DLGAP3: variants seen among roughly 807,000 people sequenced by gnomAD.
DLGAP3 encodes DLG associated protein 3.
In DLGAP3, 17 loss-of-function variants were observed where a neutral mutation model predicts 81.2. The ratio of observed to expected loss-of-function variants is 0.21; its 90% CI spans 0.14 to 0.31. The LOEUF (loss-of-function observed/expected upper bound fraction) is 0.31, where lower values mean the gene tolerates loss of function less well. Among genes scored for constraint, DLGAP3 ranks in the 10% least tolerant of loss-of-function variants. The pLI, the probability that DLGAP3 is intolerant of heterozygous loss-of-function variation, is 1.00. For synonymous variants in DLGAP3, 577 were observed against 587.4 expected (o/e 0.98, Z 0.26); for missense variants, 1,124 against 1,388.0 (o/e 0.81, Z 3.02).
intron 1 of DLGAP3, among the ~76,000 whole-genome samples, chr1:34,917,502 C>T (rs759407459): frequency 4.6e-5 from 7 of 151,992 alleles, no homozygotes; most frequent in Non-Finnish European, 7.4e-5. Context: ...GATGTACCAC[C>T]GTGCCTGGCT....
chr1:34,904,973 G>A lies in DLGAP3; in HGVS notation c.411C>T (p.His137=), dbSNP rs1639521643. The A allele has an allele frequency of 6.2e-7, 1 of 1,613,294 alleles. No homozygotes were observed. Among genetic ancestry groups the A allele is most frequent in the Non-Finnish European group, 8.5e-7 (1 of 1,179,698 alleles). The change falls in exon 3 of 12, where the codon CAC becomes CAT. Residue 137 remains histidine (H), a synonymous_variant. Transcript: ENST00000373347. This position sits in a 1 kb window ranked among gnomAD's most constrained non-coding sequence, Gnocchi z 8.1. ...CTGGCCCTCGCTGGTATGGTAGTGT[G>A]TGGAAGCCATCTTGTTGAACTGGCA... is the stretch of plus-strand genomic sequence containing the variant. The part of the protein sequence containing the change: ...KQLPVQQDGF[H]TLPYQRGPAG...
intron 1 of DLGAP3, among the ~76,000 whole-genome samples, chr1:34,916,577 G>T (rs1357059385): frequency 6.6e-6 from 1 of 152,232 alleles, no homozygotes; most frequent in Non-Finnish European, 1.5e-5. Flanking sequence ...ATAGATGGTG[G>T]AAGAAGGATT....
At position 34,895,027 on chromosome 1, in the gene DLGAP3, C is replaced by T. The variant is rs1639362547; in HGVS notation, c.1386+4642G>A. 1.3e-5 allele frequency among the ~76,000 whole-genome samples: 2 copies of T among 152,064 alleles called. No individual in the cohort carries two copies. On this transcript the variant is annotated intron_variant, in intron 5 of 11. Transcript: ENST00000373347. The surrounding 1 kb of genome is among the most constrained non-coding windows in gnomAD (Gnocchi z 4.5). Reference sequence around the variant, plus strand: ...TCATAAGTCATAACATTACTTTATACCCCATAAATATATACACCCACAATT... The same window carrying T: ...TCATAAGTCATAACATTACTTTATATCCCATAAATATATACACCCACAATT...
chr1:34,882,198 C>T (rs1189269789), intron 8 of DLGAP3, among the ~76,000 whole-genome samples: 1 of 152,140 alleles, frequency 6.6e-6, no homozygotes, highest in Admixed American at 6.5e-5. Flanking sequence ...CAGTAGAGGC[C>T]GGGTGTGGTA....
intron 5 of DLGAP3, among the ~76,000 whole-genome samples, chr1:34,890,236 G>A (rs12119720): frequency 6.6e-6 from 1 of 152,172 alleles, no homozygotes; most frequent in African/African-American, 2.4e-5. Flanking sequence ...GCATAAAATA[G>A]TTCCAAACCA....
intron 2 of DLGAP3, among the ~76,000 whole-genome samples, chr1:34,906,567 T>C (rs985569351): frequency 1.3e-5 from 2 of 152,096 alleles, no homozygotes; most frequent in South Asian, 4.1e-4. Flanking sequence ...GGGTTCCAAA[T>C]ATTTTCCCTA....
chr1:34,922,545 T>C (rs1269209684), intron 1 of DLGAP3, among the ~76,000 whole-genome samples: 1 of 152,006 alleles, frequency 6.6e-6, no homozygotes, highest in African/African-American at 2.4e-5. Context: ...CACACAGACA[T>C]GCACACATTG....
At chr1:34,911,038 C>T (rs1375824692) in intron 1 of DLGAP3, among the ~76,000 whole-genome samples, 1 of 148,088 alleles carries the variant, frequency 6.8e-6, no homozygotes, top group Non-Finnish European at 1.5e-5. Context: ...CCCCCACCAC[C>T]TTCCAGTGTA....
At chr1:34,890,877 G>A (rs897185971) in intron 5 of DLGAP3, among the ~76,000 whole-genome samples, 1 of 152,208 alleles carries the variant, frequency 6.6e-6, no homozygotes, top group African/African-American at 2.4e-5. Flanking sequence ...TACTACATTT[G>A]GGGATAACTT....
intron 2 of DLGAP3, 30 bp downstream of exon 2, chr1:34,907,325 C>T (rs749292808): frequency 6.6e-6 from 1 of 152,562 alleles, no homozygotes; most frequent in East Asian, 1.9e-4. Context: ...TGAGTCTAAT[C>T]CCCATCTCCC....
At position 34,865,565 on chromosome 1, in the gene DLGAP3, T is replaced by TC. The variant is rs1638858271; in HGVS notation, c.*517dup. 1.1e-5 allele frequency: 2 copies of TC among 189,120 alleles called. No individual in the cohort carries two copies. The highest frequency in any genetic ancestry group is 1.5e-4 in the South Asian group (2 of 12,952). The allele number at this position is 189,120 out of a possible 1,614,324, so 11.7% of individuals were successfully genotyped here. A position where few individuals can be genotyped will look rare whatever the true frequency, so the allele number is the denominator to read the frequency against. On this transcript the variant is annotated 3_prime_UTR_variant, in exon 12 of 12. Coordinates refer to ENST00000373347, the MANE Select transcript of DLGAP3 (RefSeq NM_001080418.3). ...AAGGGGAGAGGCCCAGGCGCCCTGG[T>TC]CCTGGGTTGGTCCAGCCACTGTGGT...
chr1:34,928,923 CCACT>C (rs935987293), intron 1 of DLGAP3, among the ~76,000 whole-genome samples: 1 of 151,886 alleles, frequency 6.6e-6, no homozygotes, highest in Non-Finnish European at 1.5e-5. Flanking sequence ...CTGCATACAC[CCACT>C]AACATGCACA....
chr1:34,876,921 C>A (rs1329716488), intron 8 of DLGAP3, among the ~76,000 whole-genome samples: 1 of 152,184 alleles, frequency 6.6e-6, no homozygotes, highest in East Asian at 1.9e-4. Context: ...CTTACCCAGA[C>A]CACTGATCAA....
rs1317465073 is a variant in DLGAP3, at chr1:34,900,269, G to A, written c.1112C>T (p.Pro371Leu). The A allele has an allele frequency of 1.1e-5, 17 of 1,613,626 alleles. No homozygotes were observed. Among genetic ancestry groups the A allele is most frequent in the Middle Eastern group, 1.6e-4 (1 of 6,084 alleles). Residue 371 changes from proline (P) to leucine (L), a missense_variant, in exon 4 of 12, where the codon CCG becomes CTG. By Grantham distance (98) the Pro-to-Leu change is moderately conservative. Transcript: ENST00000373347. This position sits in a 1 kb window ranked among gnomAD's most constrained non-coding sequence, Gnocchi z 5.6. Reference protein sequence around the residue: ...KARTYHYLQVPQDDWGGYPTG... With the variant: ...KARTYHYLQVLQDDWGGYPTG... ...GGGGTAACCCCCCCAGTCATCTTGCGGCACCTGCAGGAACAGGGGTCTCTG... is the reference window on the plus strand; with the variant it reads ...GGGGTAACCCCCCCAGTCATCTTGCAGCACCTGCAGGAACAGGGGTCTCTG...
At chr1:34,915,419 C>T (rs953350871) in intron 1 of DLGAP3, among the ~76,000 whole-genome samples, 3 of 152,168 alleles carry the variant, frequency 2.0e-5, no homozygotes, top group Non-Finnish European at 4.4e-5. Context: ...GAGCCCAAGC[C>T]CATGGCAGGG....
chr1:34,893,881 T>C (rs184577399), intron 5 of DLGAP3, among the ~76,000 whole-genome samples: 6 of 152,168 alleles, frequency 3.9e-5, no homozygotes, highest in African/African-American at 9.6e-5. Flanking sequence ...TCCAACCACA[T>C]CAATAACCAC....
Position 34,929,318 on chromosome 1 carries a change from C to G in DLGAP3, c.-135+133G>C, listed in dbSNP as rs1005163709. On this transcript the variant is annotated intron_variant, in intron 1 of 11. Coordinates refer to ENST00000373347, the MANE Select transcript of DLGAP3 (RefSeq NM_001080418.3). This position sits in a 1 kb window ranked among gnomAD's most constrained non-coding sequence, Gnocchi z 6.5. ...GCTGAGGAGGCCCAGCCCCTCCCCC[C>G]TCCCGGGGCCGGGAGCCGAGCGCCG... The G allele has an allele frequency of 9.3e-5, 14 of 149,946 alleles. No individual in the cohort carries two copies. Among genetic ancestry groups the G allele is most frequent in the Admixed American group, 7.3e-4 (11 of 15,072 alleles). The allele number at this position is 149,946 out of a possible 1,614,324, so 9.3% of individuals were successfully genotyped here.
chr1:34,918,441 T>C (rs1249850918), intron 1 of DLGAP3, among the ~76,000 whole-genome samples: 2 of 152,176 alleles, frequency 1.3e-5, no homozygotes, highest in East Asian at 3.9e-4. Flanking sequence ...GAGAACAGAC[T>C]CAGCCTGGTG....
chr1:34,871,755 CCT>C (rs898072795), intron 8 of DLGAP3, among the ~76,000 whole-genome samples: 2 of 152,192 alleles, frequency 1.3e-5, no homozygotes, highest in African/African-American at 4.8e-5. Flanking sequence ...TTCCGCCTGT[CCT>C]CTGAGATGTC....
Sources: gnomAD v4.1 joint callset for allele counts (sites outside exome capture counted in the v4.1 genomes callset) on GRCh38, gnomAD v4.1.1 for gene constraint, Gnocchi (gnomAD v3.1) non-coding constraint, MANE v1.5 for transcripts, NCBI Gene and HGNC (gene_info 2026-07-23, HGNC 2026-07-21) for gene names.